Variants in JMJD7 observed in about 807,000 individuals in gnomAD.
JMJD7 encodes jumonji domain containing 7.
JMJD7 carries 41 observed loss-of-function variants against 41.1 expected under a neutral mutation model. The ratio of observed to expected loss-of-function variants is 1.00; its 90% CI spans 0.78 to 1.30. The LOEUF (loss-of-function observed/expected upper bound fraction) is 1.30, where lower values mean the gene tolerates loss of function less well. Among genes scored for constraint, JMJD7 ranks in the 50% most tolerant of loss-of-function variants. The pLI is 0.00. For missense variants in JMJD7, 480 were observed against 420.7 expected (o/e 1.14, Z -1.23); for synonymous variants, 202 against 177.2 (o/e 1.14, Z -1.11).
Position 41,835,159 on chromosome 15 carries a change from CAGCG to C in JMJD7, c.412_415del (p.Glu138CysfsTer26). 6.2e-7 allele frequency: 1 copy of C among 1,605,482 alleles called. No homozygotes were observed. Among genetic ancestry groups the C allele is most frequent in the Non-Finnish European group, 8.5e-7 (1 of 1,179,974 alleles). On this transcript the variant is annotated frameshift_variant, in exon 3 of 8. Transcript: ENST00000397299. LOFTEE classifies it high-confidence loss of function. ...TGCAGAAGCAGTGCTCCAACCTGCC[CAGCG>C]AGCTGCCCCAGCTGCTGCCTGATCT...
Position 41,828,143 on chromosome 15 carries a change from G to T in JMJD7, c.19G>T (p.Glu7Ter). MAEAAL[E>*]AVRSELREFP... ...CGCAGCCATGGCGGAGGCGGCTTTG[G>T]AAGCCGTGCGGAGCGAGTTACGAGA... The change falls in exon 1 of 8, where the codon GAA becomes TAA. Residue 7 changes from glutamate (E) to a stop codon, truncating the protein, a stop_gained. Coordinates refer to ENST00000397299, the MANE Select transcript of JMJD7 (RefSeq NM_001114632.2). LOFTEE classifies it high-confidence loss of function. The T allele has an allele frequency of 6.8e-7, 1 of 1,479,232 alleles. No homozygotes were observed. Among genetic ancestry groups the T allele is most frequent in the Non-Finnish European group, 8.9e-7 (1 of 1,120,892 alleles). 91.6% of individuals were successfully genotyped at this position (1,479,232 alleles called of 1,614,324 possible).
intron 1 of JMJD7, among the ~76,000 whole-genome samples, chr15:41,833,314 A>C (rs943501868): frequency 6.6e-6 from 1 of 150,750 alleles, no homozygotes; most frequent in African/African-American, 2.4e-5. Flanking sequence ...ATCAGTGAAC[A>C]GACAACTGTC....
chr15:41,837,067 G>A lies in JMJD7; in HGVS notation c.863-1G>A, dbSNP rs1334724544. 6.2e-7 allele frequency: 1 copy of A among 1,613,054 alleles called. No individual in the cohort carries two copies. Among genetic ancestry groups the A allele is most frequent in the South Asian group, 1.1e-5 (1 of 91,036 alleles). On this transcript the variant is annotated splice_acceptor_variant, in intron 7 of 7. Transcript: ENST00000397299. LOFTEE classifies it high-confidence loss of function. ...TGCTCAGATCCCCGTTCTTCCCACAGTGAATTTCTGGTATGACATGGAATA... is the reference window on the plus strand; with the variant it reads ...TGCTCAGATCCCCGTTCTTCCCACAATGAATTTCTGGTATGACATGGAATA...
intron 5 of JMJD7, 85 bp downstream of exon 5, chr15:41,836,328 C>T (rs2065315695): frequency 6.3e-7 from 1 of 1,581,186 alleles, no homozygotes; most frequent in Non-Finnish European, 8.6e-7. Context: ...AGGCCAGTTC[C>T]CAGGCCTGAG....
intron 1 of JMJD7, among the ~76,000 whole-genome samples, chr15:41,830,996 T>A (rs1264071943): frequency 6.6e-6 from 1 of 152,126 alleles, no homozygotes; most frequent in African/African-American, 2.4e-5. Context: ...CGGGTCCCGG[T>A]GAAGCCCGAC....
chr15:41,835,605 G>A lies in JMJD7; in HGVS notation c.490G>A (p.Val164Met). The A allele has an allele frequency of 6.2e-7, 1 of 1,613,872 alleles. No homozygotes were observed. Among genetic ancestry groups the A allele is most frequent in the South Asian group, 1.1e-5 (1 of 91,048 alleles). Residue 164 changes from valine (V) to methionine (M), a missense_variant, in exon 4 of 8, where the codon GTG becomes ATG. Transcript: ENST00000397299. ...SEALGKMPDA[V>M]NFWLGEAAAV... Reference sequence around the variant, plus strand: ...CCCTGCAGGAAAGATGCCCGATGCTGTGAACTTCTGGCTGGGGGAGGCGGC... The same window carrying A: ...CCCTGCAGGAAAGATGCCCGATGCTATGAACTTCTGGCTGGGGGAGGCGGC...
chr15:41,836,614 G>A (rs1289258015), intron 6 of JMJD7, 63 bp downstream of exon 6: 1 of 1,487,698 alleles, frequency 6.7e-7, no homozygotes, highest in African/African-American at 1.4e-5. Context: ...CTGAAGAACA[G>A]GCACAAAAGA....
chr15:41,829,574 A>G (rs1344227232), intron 1 of JMJD7, among the ~76,000 whole-genome samples: 1 of 152,244 alleles, frequency 6.6e-6, no homozygotes, highest in Non-Finnish European at 1.5e-5. Flanking sequence ...CATGGAACAC[A>G]TAAGCCACTG....
At chr15:41,828,303 G>C (rs1457445256) in intron 1 of JMJD7, 115 bp downstream of exon 1, 1 of 1,281,076 alleles carries the variant, frequency 7.8e-7, no homozygotes, top group Non-Finnish European at 1.0e-6. Context: ...GGCCCCGCTC[G>C]GGTTGCTCTT....
rs143326533 is a variant in JMJD7 at position 41,831,973 on chromosome 15, C to A, written c.65-2767C>A. 7.0e-3 allele frequency among the ~76,000 whole-genome samples: 1,066 copies of A among 152,290 alleles called. 33 individuals carry two copies. Among genetic ancestry groups the A allele is most frequent in the Non-Finnish European group, 4.9e-3 (332 of 68,030 alleles). On this transcript the variant is annotated intron_variant, in intron 1 of 7. Coordinates refer to ENST00000397299, the MANE Select transcript of JMJD7 (RefSeq NM_001114632.2). ...TTGGGGAGTCCAGACCCAGGAGCTT[C>A]CCAAGCTGGGGTTCTGACACCCTCT...
rs1398580863 is a variant in JMJD7 at position 41,835,212 on chromosome 15, C to T, written c.461C>T (p.Ser154Phe). 3 of 1,598,966 alleles carry T rather than the reference C, an allele frequency of 1.9e-6. No individual in the cohort carries two copies. The highest frequency in any genetic ancestry group is 1.7e-6 in the Non-Finnish European group (2 of 1,179,624). Reference sequence around the variant, plus strand: ...CTGGAATCCCATGTGCCCTGGGCCTCCGAAGCCCTGGGTGAGTGGAGGTGG... The same window carrying T: ...CTGGAATCCCATGTGCCCTGGGCCTTCGAAGCCCTGGGTGAGTGGAGGTGG... ...PDLESHVPWA[S>F]EALGKMPDAV... Residue 154 changes from serine (S) to phenylalanine (F), a missense_variant, in exon 3 of 8, where the codon TCC becomes TTC. Physicochemically the swap from Ser to Phe is radical, Grantham distance 155. Coordinates refer to ENST00000397299, the MANE Select transcript of JMJD7 (RefSeq NM_001114632.2).
chr15:41,837,346 G>A lies in JMJD7; in HGVS notation c.*190G>A, dbSNP rs1281184237. The A allele has an allele frequency of 1.5e-5, 9 of 591,198 alleles. No homozygotes were observed. In the East Asian group the frequency reaches 2.5e-4, roughly 17 times the overall value. 36.6% of individuals were successfully genotyped at this position (591,198 alleles called of 1,614,324 possible). A position where few individuals can be genotyped will look rare whatever the true frequency, so the allele number is the denominator to read the frequency against. On this transcript the variant is annotated 3_prime_UTR_variant, in exon 8 of 8. Transcript: ENST00000397299. ...GACTCAAGGTGCCAGGCAGGTCTGG[G>A]TGAGGGTTCTCAGGAAGTTGCCACA...
At chr15:41,828,368 G>C (rs1313694585) in intron 1 of JMJD7, 180 bp downstream of exon 1, 6 of 709,920 alleles carry the variant, frequency 8.5e-6, no homozygotes, top group Non-Finnish European at 1.2e-5. Flanking sequence ...GGCTTCCTGG[G>C]TGATTCTGTT....
In JMJD7 at chr15:41,835,151, A is replaced by C; in HGVS notation, c.400A>C (p.Asn134His). The change falls in exon 3 of 8, where the codon AAC becomes CAC. Residue 134 changes from asparagine (N) to histidine (H), a missense_variant. Coordinates refer to ENST00000397299, the MANE Select transcript of JMJD7 (RefSeq NM_001114632.2). ...CCTCTATGTGCAGAAGCAGTGCTCC[A>C]ACCTGCCCAGCGAGCTGCCCCAGCT... Reference protein sequence around the residue: ...GVLYVQKQCSNLPSELPQLLP... With the variant: ...GVLYVQKQCSHLPSELPQLLP... 1 of 1,607,182 alleles carries C rather than the reference A, an allele frequency of 6.2e-7. No homozygotes were observed. Among genetic ancestry groups the C allele is most frequent in the Non-Finnish European group, 8.5e-7 (1 of 1,179,988 alleles).
chr15:41,835,683 G>T lies in JMJD7; in HGVS notation c.529+39G>T, dbSNP rs558060433. 3 of 1,600,198 alleles carry T rather than the reference G, an allele frequency of 1.9e-6. No homozygotes were observed. In the African/African-American group the frequency reaches 4.0e-5, roughly 21 times the overall value. ...GAATACAAAGGTGGGGAAGGAGCAG[G>T]TTGGGGCAGAGGGAGGGAAGACGAG... On this transcript the variant is annotated intron_variant, in intron 4 of 7. Coordinates refer to ENST00000397299, the MANE Select transcript of JMJD7 (RefSeq NM_001114632.2).
rs1262664791 is a variant in JMJD7, at chr15:41,836,560, C to G, written c.702+9C>G. ...AAGAGGCCATGGAGAAGGTGTCTGT[C>G]CTGTTCTTGGGCTCTAGGGAGGGAG... On this transcript the variant is annotated intron_variant, in intron 6 of 7. Coordinates refer to ENST00000397299, the MANE Select transcript of JMJD7 (RefSeq NM_001114632.2). 6.4e-7 allele frequency: 1 copy of G among 1,567,028 alleles called. No individual in the cohort carries two copies. Among genetic ancestry groups the G allele is most frequent in the Non-Finnish European group, 8.6e-7 (1 of 1,156,160 alleles).
chr15:41,828,451 G>T, intron 1 of JMJD7: 1 of 385,392 alleles, frequency 2.6e-6, no homozygotes, highest in Non-Finnish European at 4.6e-6. Flanking sequence ...ACAGTCTTGA[G>T]CAGCTTGCTG....
At chr15:41,833,853 G>C (rs1355435716) in intron 1 of JMJD7, among the ~76,000 whole-genome samples, 1 of 152,156 alleles carries the variant, frequency 6.6e-6, no homozygotes, top group African/African-American at 2.4e-5. Context: ...TTATCAATGT[G>C]ATATTTGAGT....
chr15:41,836,811 C>T lies in JMJD7; in HGVS notation c.733C>T (p.Pro245Ser), dbSNP rs772930308. 1 of 1,611,736 alleles carries T rather than the reference C, an allele frequency of 6.2e-7. No individual in the cohort carries two copies. Among genetic ancestry groups the T allele is most frequent in the South Asian group, 1.1e-5 (1 of 90,792 alleles). Residue 245 changes from proline (P) to serine (S), a missense_variant, in exon 7 of 8, where the codon CCA (proline) becomes TCA (serine). By Grantham distance (74) the Pro-to-Ser change is moderately conservative. Coordinates refer to ENST00000397299, the MANE Select transcript of JMJD7 (RefSeq NM_001114632.2). ...VPWIPLDPLA[P>S]DLARYPSYSQ... ...CTGGATCCCACTGGACCCCTTGGCG[C>T]CAGACCTAGCACGGTACCCTAGTTA...
Sources: gnomAD v4.1 joint callset for allele counts (sites outside exome capture counted in the v4.1 genomes callset) on GRCh38, gnomAD v4.1.1 for gene constraint, MANE v1.5 for transcripts, NCBI Gene and HGNC (gene_info 2026-07-23, HGNC 2026-07-21) for gene names.